SCGB1C1: variants seen among roughly 807,000 people sequenced by gnomAD.
SCGB1C1 encodes ligand binding protein RYD5.
A neutral mutation model predicts 8.9 loss-of-function variants in SCGB1C1; 2 were observed. The observed-to-expected ratio is 0.23, with a 90% CI of 0.09 to 0.71. The LOEUF (loss-of-function observed/expected upper bound fraction) is 0.71, where lower values mean the gene tolerates loss of function less well. Among genes scored for constraint, SCGB1C1 ranks in the 30% least tolerant of loss-of-function variants. The pLI is 0.78. For synonymous variants in SCGB1C1, 6 were observed against 45.8 expected (o/e 0.13, Z 3.51); for missense variants, 25 against 112.7 (o/e 0.22, Z 3.52).
chr11:188,160 T>C (rs1287620041), upstream of SCGB1C1, among the ~76,000 whole-genome samples: 2 of 152,190 alleles, frequency 1.3e-5, no homozygotes, highest in South Asian at 2.1e-4. Flanking sequence ...GTTTTCTGTA[T>C]GTCACTTTTT....
upstream of SCGB1C1, among the ~76,000 whole-genome samples, chr11:191,706 CTT>C (rs1854810235): frequency 6.6e-6 from 1 of 152,254 alleles, no homozygotes; most frequent in South Asian, 2.1e-4. Flanking sequence ...TTGCTAAACT[CTT>C]TTAAAAATGA....
upstream of SCGB1C1, among the ~76,000 whole-genome samples, chr11:190,283 G>C (rs1361401943): frequency 6.7e-6 from 1 of 148,882 alleles, no homozygotes. Flanking sequence ...GGCACTCTTG[G>C]TCCCGGTGTG....
At chr11:191,958 T>C (rs1854821092), upstream of SCGB1C1, among the ~76,000 whole-genome samples, 1 of 152,234 alleles carries the variant, frequency 6.6e-6, no homozygotes, top group Non-Finnish European at 1.5e-5. Context: ...CGTTGATCCC[T>C]AACCCTAAAC....
At chr11:190,711 T>A (rs1854786041), upstream of SCGB1C1, among the ~76,000 whole-genome samples, 1 of 152,308 alleles carries the variant, frequency 6.6e-6, no homozygotes, top group African/African-American at 2.4e-5. Flanking sequence ...TGTGTGGTGA[T>A]CAATACGAAT....
At position 194,562 on chromosome 11, in the gene SCGB1C1, A is replaced by G. The variant is rs537514086; in HGVS notation, c.*112A>G. The G allele has an allele frequency of 1.7e-6, 1 of 582,256 alleles. No homozygotes were observed. Among genetic ancestry groups the G allele is most frequent in the African/African-American group, 2.0e-5 (1 of 50,164 alleles). 36.1% of individuals were successfully genotyped at this position (582,256 alleles called of 1,614,324 possible). A position where few individuals can be genotyped will look rare whatever the true frequency, so the allele number is the denominator to read the frequency against. ...GTATCCTCAAACCGTTTAATCAATAAAGCCTCTTCCGCAGCTCAGGCTCCT... is the reference window on the plus strand; with the variant it reads ...GTATCCTCAAACCGTTTAATCAATAGAGCCTCTTCCGCAGCTCAGGCTCCT... On this transcript the variant is annotated 3_prime_UTR_variant, in exon 3 of 3. Coordinates refer to ENST00000342878, the MANE Select transcript of SCGB1C1 (RefSeq NM_145651.3).
At chr11:190,391 T>C (rs1277086937), upstream of SCGB1C1, among the ~76,000 whole-genome samples, 1 of 131,050 alleles carries the variant, frequency 7.6e-6, no homozygotes, top group African/African-American at 2.7e-5. Flanking sequence ...GGAGAGCTGA[T>C]GTCCCAGTTC....
chr11:190,949 G>A (rs1263254309), upstream of SCGB1C1, among the ~76,000 whole-genome samples: 1 of 152,308 alleles, frequency 6.6e-6, no homozygotes, highest in Non-Finnish European at 1.5e-5. Flanking sequence ...AGGAGTTCTA[G>A]GGTGTTTCTT....
In SCGB1C1 at chr11:194,428, T is replaced by C. The variant is rs778177472; in HGVS notation, c.266T>C (p.Leu89Pro). The change falls in exon 3 of 3, where the codon CTG becomes CCG. Residue 89 changes from leucine to proline, a missense_variant. By Grantham distance (98) the Leu-to-Pro change is moderately conservative. Coordinates refer to ENST00000342878, the MANE Select transcript of SCGB1C1 (RefSeq NM_145651.3). The stretch of plus-strand genomic sequence containing the variant: ...GTGTCTGCCTTCCAGGTGCAAGTGC[T>C]GGGCAGTCAGGACGGTGCCTAAGTG... Reference protein sequence around the residue: ...AELVKLLVQVLGSQDGA With the variant: ...AELVKLLVQVPGSQDGA 1 of 881,922 alleles carries C rather than the reference T, an allele frequency of 1.1e-6. No homozygotes were observed. The highest frequency in any genetic ancestry group is 1.8e-6 in the Non-Finnish European group (1 of 546,018). 54.6% of individuals were successfully genotyped at this position (881,922 alleles called of 1,614,324 possible).
upstream of SCGB1C1, among the ~76,000 whole-genome samples, chr11:190,695 G>C (rs1169408371): frequency 4.8e-4 from 73 of 150,888 alleles, no homozygotes; most frequent in African/African-American, 1.7e-3. Flanking sequence ...TGTTGGTTGA[G>C]GTACATGTGT....
At position 193,744 on chromosome 11, in the gene SCGB1C1, T is replaced by C; in HGVS notation, c.88T>C (p.Phe30Leu). ...CACAGGGGAGGACAACGATGAGTTT[T>C]TCATGGACTTCCTGCAAACACTACT... ...MATGEDNDEF[F>L]MDFLQTLLVG... Residue 30 changes from phenylalanine (F) to leucine (L), a missense_variant, in exon 2 of 3, where the codon TTC (phenylalanine) becomes CTC (leucine). Phe to Leu is a conservative substitution (Grantham distance 22). Coordinates refer to ENST00000342878, the MANE Select transcript of SCGB1C1 (RefSeq NM_145651.3). 1.2e-6 allele frequency: 2 copies of C among 1,613,826 alleles called. No homozygotes were observed. Among genetic ancestry groups the C allele is most frequent in the South Asian group, 2.2e-5 (2 of 91,036 alleles).
At chr11:189,567 G>A (rs2077144765), upstream of SCGB1C1, among the ~76,000 whole-genome samples, 1 of 74,468 alleles carries the variant, frequency 1.3e-5, no homozygotes, top group Admixed American at 1.3e-4. Context: ...GAGGTGGGTG[G>A]TGCAGACGCA....
Position 193,893 on chromosome 11 carries a change from G to A in SCGB1C1, c.237G>A (p.Ala79=), listed in dbSNP as rs201449449. Residue 79 remains alanine (A), a synonymous_variant, in exon 2 of 3, where the codon GCG becomes GCA. Transcript: ENST00000342878. ...CIDGLQPMHK[A]ELVKLLVQVL... ...ATGGCCTGCAGCCAATGCACAAGGC[G>A]GAGCTGGTCAAGCTGCTGGTATGAG... The A allele has an allele frequency of 3.0e-5, 44 of 1,481,136 alleles. 3 individuals are homozygous for A. The highest frequency in any genetic ancestry group is 5.7e-5 in the Admixed American group (3 of 52,494). 91.7% of individuals were successfully genotyped at this position (1,481,136 alleles called of 1,614,324 possible). A position where few individuals can be genotyped will look rare whatever the true frequency, so the allele number is the denominator to read the frequency against.
chr11:192,672 A>C (rs2280541), upstream of SCGB1C1, among the ~76,000 whole-genome samples: 18,939 of 149,686 alleles, frequency 0.13, 805 homozygotes, highest in South Asian at 0.3. Flanking sequence ...AGACCCCCAG[A>C]TGCAGACCCA....
chr11:191,408 A>G (rs1454913093), upstream of SCGB1C1, among the ~76,000 whole-genome samples: 121 of 107,336 alleles, frequency 1.1e-3, no homozygotes, highest in Middle Eastern at 4.1e-3. Flanking sequence ...CTTAATATTT[A>G]AAGTTTATAC....
intron 1 of SCGB1C1, among the ~76,000 whole-genome samples, chr11:193,494 G>A (rs1187095038): frequency 1.3e-5 from 2 of 152,118 alleles, no homozygotes; most frequent in Non-Finnish European, 2.9e-5. Context: ...AGGGAATGCT[G>A]AGTGGAAATT....
At chr11:189,664 G>A (rs1337939027), upstream of SCGB1C1, among the ~76,000 whole-genome samples, 12 of 152,030 alleles carry the variant, frequency 7.9e-5, no homozygotes, top group Middle Eastern at 3.5e-3. Context: ...CGCAGAGACG[G>A]GTTGAACCTC....
At chr11:191,422 G>A (rs1270823672), upstream of SCGB1C1, among the ~76,000 whole-genome samples, 1 of 107,008 alleles carries the variant, frequency 9.3e-6, no homozygotes, top group African/African-American at 3.4e-5. Context: ...TTTATACTCT[G>A]GAAGAGACCT....
At chr11:193,680 C>T (rs1200380749) in intron 1 of SCGB1C1, 32 bp from the exon 2 acceptor site, 3 of 1,610,266 alleles carry the variant, frequency 1.9e-6, no homozygotes, top group South Asian at 2.2e-5. Flanking sequence ...GTCACCCTGT[C>T]CTGTCCTGGC....
chr11:189,384 T>G (rs1412083375), upstream of SCGB1C1, among the ~76,000 whole-genome samples: 1 of 152,296 alleles, frequency 6.6e-6, no homozygotes, highest in Non-Finnish European at 1.5e-5. Flanking sequence ...CATGGTCGTG[T>G]CCTTAATCTT....
Sources: allele counts gnomAD v4.1 joint callset (sites outside exome capture counted in the v4.1 genomes callset), GRCh38; gene constraint gnomAD v4.1.1; transcripts MANE v1.5; gene names NCBI Gene and HGNC (gene_info 2026-07-23, HGNC 2026-07-21).